The following HS6ST3 variants were observed in gnomAD, a reference collection of about 807,000 sequenced individuals.
HS6ST3 encodes heparan-sulfate 6-O-sulfotransferase 3.
HS6ST3 carries 12 observed loss-of-function variants against 36.7 expected under a neutral mutation model. That is an observed-to-expected ratio of 0.33 (90% CI 0.21 to 0.53). The LOEUF is 0.53. Ranked by LOEUF, HS6ST3 falls within the 20% of genes least tolerant of loss-of-function variation. The pLI is 0.95. For synonymous variants in HS6ST3, 240 were observed against 257.5 expected (o/e 0.93, Z 0.65); for missense variants, 584 against 640.9 (o/e 0.91, Z 0.96).
chr13:96,665,781 C>G (rs1344257893), intron 1 of HS6ST3, among the ~76,000 whole-genome samples: 1 of 152,068 alleles, frequency 6.6e-6, no homozygotes, highest in Non-Finnish European at 1.5e-5. Context: ...CTCTTATTAT[C>G]CTACAGGAAT....
rs1878917479 is a variant in HS6ST3 at position 96,835,986 on chromosome 13, A to C, written c.*2788A>C. ...TTCATTCTAAAGCAGCAAGCTTGTC[A>C]TACCCATGGGGTCCTATGTTGATAG... On this transcript the variant is annotated 3_prime_UTR_variant, in exon 2 of 2. Transcript: ENST00000376705. 1 of 152,226 alleles carries C rather than the reference A, an allele frequency of 6.6e-6. No homozygotes were observed. Among genetic ancestry groups the C allele is most frequent in the South Asian group, 2.1e-4 (1 of 4,832 alleles). The allele number at this position is 152,226 out of a possible 1,614,324, so 9.4% of individuals were successfully genotyped here.
At chr13:96,534,681 G>A (rs145387093) in intron 1 of HS6ST3, among the ~76,000 whole-genome samples, 158 of 152,308 alleles carry the variant, frequency 1.0e-3, no homozygotes, top group African/African-American at 3.4e-3. Context: ...AGAAGAGGCC[G>A]GGCACGGTGG....
At chr13:96,445,533 C>T (rs2055693789) in intron 1 of HS6ST3, among the ~76,000 whole-genome samples, 1 of 152,040 alleles carries the variant, frequency 6.6e-6, no homozygotes, top group East Asian at 1.9e-4. Context: ...TATATATTGT[C>T]TTTCATACCA....
chr13:96,832,173 T>C (rs1019265112), intron 1 of HS6ST3, among the ~76,000 whole-genome samples: 1 of 152,084 alleles, frequency 6.6e-6, no homozygotes, highest in African/African-American at 2.4e-5. Flanking sequence ...ATGTAAGGTA[T>C]TGTTATTGCC....
At chr13:96,795,733 A>G (rs1046027055) in intron 1 of HS6ST3, among the ~76,000 whole-genome samples, 3 of 152,094 alleles carry the variant, frequency 2.0e-5, no homozygotes, top group Admixed American at 6.6e-5. Context: ...ATCTAAAGTG[A>G]TGGGTTTTAT....
rs369808068 is a variant in HS6ST3 at position 96,466,795 on chromosome 13, G to A, written c.708-365695G>A. Among the ~76,000 whole-genome samples the A allele has an allele frequency of 9.5e-4, 145 of 152,048 alleles. 2 individuals carry two copies. The highest frequency in any genetic ancestry group is 3.4e-3 in the African/African-American group (142 of 41,476). On this transcript the variant is annotated intron_variant, in intron 1 of 1. Transcript: ENST00000376705. ...ATTCTATGTCAATTATATTTTAATA[G>A]AGCTAAAAAAATGACAGCCATCATG...
intron 1 of HS6ST3, among the ~76,000 whole-genome samples, chr13:96,724,408 C>A (rs1330484764): frequency 4.6e-5 from 7 of 152,118 alleles, no homozygotes; most frequent in Non-Finnish European, 2.9e-5. Flanking sequence ...TGTACAATTT[C>A]ATAAATATTA....
chr13:96,313,820 G>T (rs539903869), intron 1 of HS6ST3, among the ~76,000 whole-genome samples: 34 of 152,192 alleles, frequency 2.2e-4, no homozygotes, highest in Middle Eastern at 3.4e-3. Flanking sequence ...GTTCTGACCC[G>T]CACAGGTGTC....
chr13:96,673,899 T>C (rs528735019), intron 1 of HS6ST3, among the ~76,000 whole-genome samples: 1 of 152,316 alleles, frequency 6.6e-6, no homozygotes, highest in African/African-American at 2.4e-5. Flanking sequence ...TTCCAAGTAC[T>C]TTAAAAAATA....
At chr13:96,637,910 C>T (rs554504969) in intron 1 of HS6ST3, among the ~76,000 whole-genome samples, 6 of 152,044 alleles carry the variant, frequency 3.9e-5, no homozygotes, top group Non-Finnish European at 8.8e-5. Context: ...CAGAGACACT[C>T]CTCTGGTTTA....
At chr13:96,291,993 GT>G (rs1005729623) in intron 1 of HS6ST3, among the ~76,000 whole-genome samples, 1 of 151,352 alleles carries the variant, frequency 6.6e-6, no homozygotes, top group Admixed American at 6.6e-5. Flanking sequence ...TATGTTGTAA[GT>G]TTTTTTTTCT....
chr13:96,271,259 T>C (rs1213278404), intron 1 of HS6ST3, among the ~76,000 whole-genome samples: 1 of 151,882 alleles, frequency 6.6e-6, no homozygotes, highest in Non-Finnish European at 1.5e-5. Flanking sequence ...CAGATGCAAA[T>C]ATGTGTGTGA....
At chr13:96,103,601 G>A (rs1171941097) in intron 1 of HS6ST3, among the ~76,000 whole-genome samples, 1 of 152,064 alleles carries the variant, frequency 6.6e-6, no homozygotes, top group Non-Finnish European at 1.5e-5. Context: ...AAATGACTAC[G>A]AAGGCACTTC....
chr13:96,661,133 G>A (rs954911368), intron 1 of HS6ST3, among the ~76,000 whole-genome samples: 2 of 152,114 alleles, frequency 1.3e-5, no homozygotes, highest in African/African-American at 4.8e-5. Flanking sequence ...TTCAGGACTT[G>A]AACTGAGCCA....
chr13:96,346,583 T>A (rs9554347), intron 1 of HS6ST3, among the ~76,000 whole-genome samples: 75,514 of 143,534 alleles, frequency 0.53, 20,909 homozygotes, highest in African/African-American at 0.72. Flanking sequence ...AAAAAAAAAA[T>A]AATAATAATA....
chr13:96,644,465 G>A (rs566929471), intron 1 of HS6ST3, among the ~76,000 whole-genome samples: 16 of 152,082 alleles, frequency 1.1e-4, no homozygotes, highest in African/African-American at 2.2e-4. Flanking sequence ...ATCGGAAATA[G>A]CATTATACAG....
chr13:96,498,407 G>C (rs2055987727), intron 1 of HS6ST3, among the ~76,000 whole-genome samples: 1 of 152,054 alleles, frequency 6.6e-6, no homozygotes, highest in Admixed American at 6.5e-5. Context: ...CATCTTTTCG[G>C]GTATCAGTTT....
intron 1 of HS6ST3, among the ~76,000 whole-genome samples, chr13:96,657,504 G>C (rs2056629759): frequency 6.6e-6 from 1 of 152,148 alleles, no homozygotes; most frequent in African/African-American, 2.4e-5. Context: ...CTGAGCAACA[G>C]AGCAAGATCT....
chr13:96,155,588 GAT>G (rs1491240719), intron 1 of HS6ST3, among the ~76,000 whole-genome samples: 2 of 14,082 alleles, frequency 1.4e-4, no homozygotes, highest in African/African-American at 2.4e-4. Context: ...AAAGGTTAAG[GAT>G]TTTTTTTTAA....
Sources: allele counts gnomAD v4.1 joint callset (sites outside exome capture counted in the v4.1 genomes callset), GRCh38; gene constraint gnomAD v4.1.1; transcripts MANE v1.5; gene names NCBI Gene and HGNC (gene_info 2026-07-23, HGNC 2026-07-21).